AMPH: variants seen among roughly 807,000 people sequenced by gnomAD.
The protein encoded by AMPH is amphiphysin.
AMPH carries 49 observed loss-of-function variants against 99.1 expected under a neutral mutation model. That is an observed-to-expected ratio of 0.49 (90% confidence interval 0.39 to 0.63). The LOEUF (loss-of-function observed/expected upper bound fraction) is 0.63. Ranked by LOEUF, AMPH falls within the 20% of genes least tolerant of loss-of-function variation. The pLI is 0.00. For missense variants in AMPH, 759 were observed against 863.4 expected (o/e 0.88, Z 1.52); for synonymous variants, 314 against 317.3 (o/e 0.99, Z 0.11).
At chr7:38,512,646 G>T (rs1046670090) in intron 2 of AMPH, among the ~76,000 whole-genome samples, 1 of 152,134 alleles carries the variant, frequency 6.6e-6, no homozygotes, top group African/African-American at 2.4e-5. Context: ...AACATGAAGA[G>T]CTTCCTCTAG....
chr7:38,443,727 C>A (rs1786646565), intron 11 of AMPH, among the ~76,000 whole-genome samples: 1 of 151,932 alleles, frequency 6.6e-6, no homozygotes, highest in South Asian at 2.1e-4. Flanking sequence ...ATAAAACCTA[C>A]AAGTAACAAA....
intron 17 of AMPH, among the ~76,000 whole-genome samples, chr7:38,395,786 A>G (rs1784650304): frequency 6.6e-6 from 1 of 152,240 alleles, no homozygotes; most frequent in Non-Finnish European, 1.5e-5. Flanking sequence ...ACAGAAAAGG[A>G]CAATGAAGAG....
At chr7:38,617,185 G>C (rs1793901324) in intron 1 of AMPH, among the ~76,000 whole-genome samples, 1 of 145,980 alleles carries the variant, frequency 6.9e-6, no homozygotes, top group African/African-American at 2.5e-5. Flanking sequence ...TGAGAGGAAT[G>C]TGTGTTACCC....
chr7:38,461,790 G>T (rs1787457667), intron 10 of AMPH, among the ~76,000 whole-genome samples: 1 of 152,168 alleles, frequency 6.6e-6, no homozygotes, highest in Admixed American at 6.5e-5. Flanking sequence ...AACTAAAGCA[G>T]CTTTTCATTT....
At position 38,394,053 on chromosome 7, in the gene AMPH, T is replaced by C. The variant is rs779004625; in HGVS notation, c.1560A>G (p.Ala520=). 4 of 1,614,108 alleles carry C rather than the reference T, an allele frequency of 2.5e-6. No individual in the cohort carries two copies. In the South Asian group the frequency reaches 4.4e-5, roughly 18 times the overall value. ...AKIGTETTEG[A]ESAQPEAEEL... is the part of the protein sequence containing the mutation. ...CCTCTGCTTCAGGTTGGGCACTCTC[T>C]GCACCCTCAGTGGTTTCAGTTCCAA... Residue 520 remains alanine (A), a synonymous_variant, in exon 18 of 21, where the codon GCA becomes GCG. Transcript: ENST00000356264.
intron 11 of AMPH, among the ~76,000 whole-genome samples, chr7:38,440,450 A>G (rs1786462490): frequency 6.6e-6 from 1 of 152,082 alleles, no homozygotes; most frequent in Non-Finnish European, 1.5e-5. Context: ...AAATGATAAC[A>G]GAACTATGCA....
intron 1 of AMPH, among the ~76,000 whole-genome samples, chr7:38,603,712 C>T (rs1486693603): frequency 1.3e-5 from 2 of 152,158 alleles, no homozygotes. Context: ...ATGCCAAGGG[C>T]TTGTCAGATC....
At chr7:38,404,020 CT>C (rs1328406541) in intron 17 of AMPH, among the ~76,000 whole-genome samples, 2 of 152,164 alleles carry the variant, frequency 1.3e-5, no homozygotes, top group Non-Finnish European at 2.9e-5. Context: ...GCTGTCTGCT[CT>C]GGATTGGGGG....
At chr7:38,610,703 T>C (rs6973823) in intron 1 of AMPH, among the ~76,000 whole-genome samples, 81,112 of 151,880 alleles carry the variant, frequency 0.53, 22,178 homozygotes, top group Non-Finnish European at 0.58. Context: ...TAACAAGTAA[T>C]TGGAAGAGAC....
chr7:38,576,229 T>C (rs1002072855), intron 1 of AMPH, among the ~76,000 whole-genome samples: 42 of 152,210 alleles, frequency 2.8e-4, no homozygotes, highest in Non-Finnish European at 1.5e-4. Context: ...TTTGGAAAGG[T>C]CTAATTAAAA....
At chr7:38,405,962 T>C (rs1019059684) in intron 17 of AMPH, among the ~76,000 whole-genome samples, 5 of 152,226 alleles carry the variant, frequency 3.3e-5, no homozygotes, top group Admixed American at 2.6e-4. Context: ...ATCAACCATA[T>C]GCTTAGCCAT....
intron 2 of AMPH, among the ~76,000 whole-genome samples, chr7:38,518,113 C>T (rs1789821665): frequency 6.6e-6 from 1 of 152,218 alleles, no homozygotes; most frequent in Non-Finnish European, 1.5e-5. Flanking sequence ...GCAGCTCAAC[C>T]CACTGCTCCA....
At chr7:38,552,707 C>T (rs2129046432) in intron 1 of AMPH, among the ~76,000 whole-genome samples, 1 of 152,284 alleles carries the variant, frequency 6.6e-6, no homozygotes, top group South Asian at 2.1e-4. Context: ...GTAAATAATT[C>T]AATATCAGCC....
chr7:38,615,483 T>C (rs769204239), intron 1 of AMPH, among the ~76,000 whole-genome samples: 38 of 152,140 alleles, frequency 2.5e-4, no homozygotes, highest in Admixed American at 9.2e-4. Flanking sequence ...CCTTCATCCA[T>C]GGTGCCTGGC....
chr7:38,450,324 C>T (rs752426032), intron 11 of AMPH, among the ~76,000 whole-genome samples: 1 of 152,178 alleles, frequency 6.6e-6, no homozygotes, highest in Non-Finnish European at 1.5e-5. Flanking sequence ...TATTTTCTTC[C>T]TCTCTGCCAC....
chr7:38,619,937 A>G (rs920102512), intron 1 of AMPH, among the ~76,000 whole-genome samples: 8 of 152,224 alleles, frequency 5.3e-5, no homozygotes, highest in Admixed American at 1.3e-4. Flanking sequence ...AATGTCTCAT[A>G]TATTAAAGAA....
intron 4 of AMPH, among the ~76,000 whole-genome samples, chr7:38,492,538 C>T (rs1242519661): frequency 6.6e-6 from 1 of 152,166 alleles, no homozygotes; most frequent in East Asian, 1.9e-4. Flanking sequence ...AAAAGTAGTC[C>T]TAATTTTTAC....
At chr7:38,605,463 G>C (rs980549504) in intron 1 of AMPH, among the ~76,000 whole-genome samples, 1 of 152,138 alleles carries the variant, frequency 6.6e-6, no homozygotes, top group East Asian at 1.9e-4. Context: ...GGTCACATTT[G>C]GTTCTCTGTG....
chr7:38,478,703 A>G (rs1343510458), intron 5 of AMPH, among the ~76,000 whole-genome samples: 1 of 152,218 alleles, frequency 6.6e-6, no homozygotes, highest in Non-Finnish European at 1.5e-5. Context: ...TAAAGTATCT[A>G]GTTTGAAAAA....
Sources: allele counts gnomAD v4.1 joint callset (sites outside exome capture counted in the v4.1 genomes callset), GRCh38; gene constraint gnomAD v4.1.1; transcripts MANE v1.5; gene names NCBI Gene and HGNC (gene_info 2026-07-23, HGNC 2026-07-21).